Variants in GREB1L observed in about 807,000 individuals in gnomAD.
GREB1L encodes the protein GREB1 like retinoic acid receptor coactivator, also known as GREB1-like protein.
GREB1L carries 17 observed loss-of-function variants against 200.8 expected under a neutral mutation model. The observed-to-expected ratio is 0.08, with a 90% CI of 0.06 to 0.13. The LOEUF is 0.13. GREB1L is among the 10% of genes least tolerant of loss of function. The probability of loss-of-function intolerance (pLI) is 1.00; values close to 1 mark genes in which losing one functional copy is unlikely to be tolerated. For synonymous variants in GREB1L, 789 were observed against 893.0 expected, an observed-to-expected ratio of 0.88 and a Z score of 2.08; for missense variants, 1,657 against 2,367.7, an observed-to-expected ratio of 0.70 and a Z score of 6.23.
At chr18:21,411,357 C>G (rs1244363239) in intron 7 of GREB1L, among the ~76,000 whole-genome samples, 1 of 152,050 alleles carries the variant, frequency 6.6e-6, no homozygotes, top group African/African-American at 2.4e-5. Flanking sequence ...CAGGCTCCCG[C>G]CACCATGGCC....
At position 21,245,392 on chromosome 18, in the gene GREB1L, TATTG is replaced by T. The variant is rs547167690; in HGVS notation, c.-120+3007_-120+3010del. On this transcript the variant is annotated intron_variant, in intron 1 of 32. Transcript: ENST00000424526. ...ATATTTGTAAGGGTACTTAGAGTAA[TATTG>T]ATTGATTAATGAAGCTGACAGAAAC... Among the ~76,000 whole-genome samples the T allele has an allele frequency of 5.9e-5, 9 of 152,336 alleles. No individual in the cohort carries two copies. The South Asian group carries it at 1.9e-3, about 32-fold the overall frequency.
At chr18:21,336,248 CCT>C in intron 1 of GREB1L, among the ~76,000 whole-genome samples, 1 of 152,176 alleles carries the variant, frequency 6.6e-6, no homozygotes. Context: ...CCTCTTCTTC[CCT>C]CTTACTTAAA....
intron 13 of GREB1L, 39 bp downstream of exon 13, chr18:21,451,190 A>G: frequency 6.5e-7 from 1 of 1,545,200 alleles, no homozygotes; most frequent in South Asian, 1.2e-5. Context: ...GGCAGCCCCT[A>G]GTTGTATGAT....
intron 17 of GREB1L, among the ~76,000 whole-genome samples, chr18:21,482,156 TG>T (rs2145777781): frequency 6.6e-6 from 1 of 152,320 alleles, no homozygotes; most frequent in Non-Finnish European, 1.5e-5. Context: ...ATGGGAGACA[TG>T]GTACATTTTC....
chr18:21,397,693 T>A (rs1320111659), intron 5 of GREB1L, among the ~76,000 whole-genome samples: 1 of 152,106 alleles, frequency 6.6e-6, no homozygotes, highest in East Asian at 1.9e-4. Context: ...AGAGTGAGAC[T>A]GTCTCAGAAA....
At chr18:21,470,843 T>C (rs1285546819) in intron 15 of GREB1L, among the ~76,000 whole-genome samples, 1 of 152,238 alleles carries the variant, frequency 6.6e-6, no homozygotes, top group Non-Finnish European at 1.5e-5. Context: ...TGTATCTCTA[T>C]ACTTTCCAGT....
intron 18 of GREB1L, among the ~76,000 whole-genome samples, chr18:21,487,458 T>C (rs1302162456): frequency 2.0e-5 from 3 of 152,208 alleles, no homozygotes; most frequent in Non-Finnish European, 4.4e-5. Flanking sequence ...TCTATACTTA[T>C]TTCCTCCAAC....
At chr18:21,331,194 T>C (rs2039102277) in intron 1 of GREB1L, among the ~76,000 whole-genome samples, 1 of 152,190 alleles carries the variant, frequency 6.6e-6, no homozygotes, top group Admixed American at 6.5e-5. Flanking sequence ...TTTGCAACAA[T>C]AGATGCTTGC....
chr18:21,482,235 AAAAGAAGTTG>A (rs1288518816), intron 17 of GREB1L, among the ~76,000 whole-genome samples: 1 of 152,182 alleles, frequency 6.6e-6, no homozygotes, highest in East Asian at 1.9e-4. Context: ...TTAGTTGGAA[AAAAGAAGTTG>A]AAAGAAGTTT....
intron 1 of GREB1L, among the ~76,000 whole-genome samples, chr18:21,363,273 T>TCCC (rs2039606295): frequency 4.2e-4 from 2 of 4,764 alleles, no homozygotes; most frequent in East Asian, 0.013. Flanking sequence ...CTGCCCCCAC[T>TCCC]CCGCCTCCCC....
intron 21 of GREB1L, 77 bp downstream of exon 21, chr18:21,496,775 A>G: frequency 1.4e-6 from 2 of 1,475,224 alleles, no homozygotes; most frequent in South Asian, 1.3e-5. Flanking sequence ...AGGCAGAGGC[A>G]TTTACTGACA....
In GREB1L at chr18:21,490,266, T is replaced by A; in HGVS notation, c.2945T>A (p.Leu982Gln). 2.6e-6 allele frequency: 4 copies of A among 1,551,756 alleles called. No homozygotes were observed. Among genetic ancestry groups the A allele is most frequent in the Non-Finnish European group, 3.5e-6 (4 of 1,147,012 alleles). ...CGGCTACAGGAGGTGCGCGACAAAC[T>A]GGGTCTGCAGTATCGGTTTGAGATC... Reference protein sequence around the residue: ...KERLQEVRDKLGLQYRFEIIL... With the variant: ...KERLQEVRDKQGLQYRFEIIL... Residue 982 changes from leucine to glutamine, a missense_variant, in exon 19 of 33, where the codon CTG becomes CAG. By Grantham distance (113) the Leu-to-Gln change is moderately radical. This residue lies in a region of GREB1L where 512 missense variants were observed against 668.3 expected (regional missense o/e 0.77). Coordinates refer to ENST00000424526, the MANE Select transcript of GREB1L (RefSeq NM_001142966.3).
intron 4 of GREB1L, among the ~76,000 whole-genome samples, chr18:21,386,215 T>C (rs1407057862): frequency 3.9e-5 from 6 of 152,356 alleles, no homozygotes; most frequent in Non-Finnish European, 7.3e-5. Flanking sequence ...TCCATTTTTT[T>C]CCCGTTTTAA....
At chr18:21,297,042 G>C (rs1351262839) in intron 1 of GREB1L, among the ~76,000 whole-genome samples, 2 of 152,146 alleles carry the variant, frequency 1.3e-5, no homozygotes, top group Non-Finnish European at 2.9e-5. Flanking sequence ...ACCATTGCTA[G>C]AGTCTCTTTA....
At chr18:21,380,953 G>A (rs2040281474) in intron 2 of GREB1L, among the ~76,000 whole-genome samples, 1 of 150,994 alleles carries the variant, frequency 6.6e-6, no homozygotes, top group South Asian at 2.1e-4. Context: ...ACAATAATTA[G>A]CCAGGCACGC....
intron 10 of GREB1L, 133 bp from the exon 11 acceptor site, chr18:21,444,091 A>C: frequency 1.7e-6 from 1 of 587,370 alleles, no homozygotes; most frequent in Non-Finnish European, 3.0e-6. Flanking sequence ...GATATGTTTG[A>C]GTGATTTGTT....
At chr18:21,306,866 C>A (rs2038709582) in intron 1 of GREB1L, among the ~76,000 whole-genome samples, 1 of 152,184 alleles carries the variant, frequency 6.6e-6, no homozygotes, top group African/African-American at 2.4e-5. Flanking sequence ...CTTTCCCTTG[C>A]TGCTCTTTGC....
Position 21,429,765 on chromosome 18 carries a change from A to G in GREB1L, c.833-9756A>G, listed in dbSNP as rs73425732. On this transcript the variant is annotated intron_variant, in intron 7 of 32. Transcript: ENST00000424526. ...TTTCTCTCTCCTTGAGTCAATTTTG[A>G]TCATTTCTGTCCTAAGAATTTGTCA... 7.9e-3 allele frequency among the ~76,000 whole-genome samples: 1,197 copies of G among 152,172 alleles called. 19 individuals carry two copies. Among genetic ancestry groups the G allele is most frequent in the African/African-American group, 0.028 (1,153 of 41,504 alleles).
At chr18:21,278,469 T>C (rs1258546523) in intron 1 of GREB1L, among the ~76,000 whole-genome samples, 1 of 151,882 alleles carries the variant, frequency 6.6e-6, no homozygotes, top group Non-Finnish European at 1.5e-5. Flanking sequence ...TGAAGTTTAG[T>C]GGTAAATGTT....
Sources: allele counts gnomAD v4.1 joint callset (sites outside exome capture counted in the v4.1 genomes callset), GRCh38; gene constraint gnomAD v4.1.1; regional missense constraint gnomAD v4.1.1; transcripts MANE v1.5; gene names NCBI Gene and HGNC (gene_info 2026-07-23, HGNC 2026-07-21).